The following MAPK10 variants were observed in gnomAD, a reference collection of about 807,000 sequenced individuals.
MAPK10 encodes JNK3 alpha protein kinase.
A neutral mutation model predicts 59.3 loss-of-function variants in MAPK10; 25 were observed. That is an observed-to-expected ratio of 0.42 (90% confidence interval 0.31 to 0.59). The LOEUF (loss-of-function observed/expected upper bound fraction) is 0.59. Ranked by LOEUF, MAPK10 falls within the 20% of genes least tolerant of loss-of-function variation. The pLI is 0.15. For missense variants in MAPK10, 351 were observed against 568.9 expected, an observed-to-expected ratio of 0.62 and a Z score of 3.90; for synonymous variants, 190 against 200.5, an observed-to-expected ratio of 0.95 and a Z score of 0.44.
intron 1 of MAPK10, among the ~76,000 whole-genome samples, chr4:86,574,227 A>G (rs2149109348): frequency 6.6e-6 from 1 of 151,916 alleles, no homozygotes; most frequent in African/African-American, 2.4e-5. Context: ...CCTACAAAGG[A>G]CATGAACTCA....
At chr4:86,326,066 T>G (rs1413699422) in intron 2 of MAPK10, 2 of 152,158 alleles carry the variant, frequency 1.3e-5, no homozygotes, top group African/African-American at 2.4e-5. Flanking sequence ...CAGCAATATT[T>G]TTGTTGGGTG....
chr4:86,589,983 T>TAA (rs74874164), intron 1 of MAPK10, among the ~76,000 whole-genome samples: 58 of 129,724 alleles, frequency 4.5e-4, no homozygotes, highest in East Asian at 2.0e-3. Flanking sequence ...GACTCCATCT[T>TAA]AAAAAAAAAA....
chr4:86,051,779 G>T (rs745327857), intron 11 of MAPK10, among the ~76,000 whole-genome samples: 19 of 152,180 alleles, frequency 1.2e-4, no homozygotes, highest in South Asian at 2.1e-4. Context: ...TGTTTTTGTT[G>T]TTGTTCATTT....
At chr4:86,038,720 C>T (rs1046506865) in intron 11 of MAPK10, among the ~76,000 whole-genome samples, 2 of 151,952 alleles carry the variant, frequency 1.3e-5, no homozygotes, top group African/African-American at 4.8e-5. Flanking sequence ...TTCTCTAAAG[C>T]CTTATATTCT....
intron 3 of MAPK10, among the ~76,000 whole-genome samples, chr4:86,168,520 C>T (rs1162802653): frequency 1.3e-5 from 2 of 152,230 alleles, no homozygotes; most frequent in Non-Finnish European, 2.9e-5. Context: ...GAGGCGCCCG[C>T]CATTGCCCAG....
At chr4:86,417,967 C>G (rs1237270511) in intron 1 of MAPK10, among the ~76,000 whole-genome samples, 3 of 152,174 alleles carry the variant, frequency 2.0e-5, no homozygotes, top group African/African-American at 7.2e-5. Flanking sequence ...TTTCAGACGG[C>G]CTTCTTAGCA....
chr4:86,070,378 TA>T (rs1195555877), intron 9 of MAPK10, among the ~76,000 whole-genome samples: 17 of 152,000 alleles, frequency 1.1e-4, no homozygotes, highest in African/African-American at 4.1e-4. Context: ...TGAAGGGCTT[TA>T]TTTTTTTTTC....
At chr4:86,504,833 G>A (rs945292687) in intron 1 of MAPK10, among the ~76,000 whole-genome samples, 6 of 152,226 alleles carry the variant, frequency 3.9e-5, no homozygotes, top group African/African-American at 1.4e-4. Flanking sequence ...GAATGGAAAG[G>A]AAGAGCCAGA....
chr4:86,324,532 T>C (rs769994612), intron 2 of MAPK10, among the ~76,000 whole-genome samples: 4 of 152,202 alleles, frequency 2.6e-5, no homozygotes, highest in Non-Finnish European at 5.9e-5. Context: ...GAGGTATGAT[T>C]AGAGCTGGGA....
chr4:86,478,544 C>T (rs1753313465), intron 1 of MAPK10, among the ~76,000 whole-genome samples: 1 of 152,192 alleles, frequency 6.6e-6, no homozygotes, highest in South Asian at 2.1e-4. Flanking sequence ...TTTTCTTCCT[C>T]ACACCTGACA....
At chr4:86,021,640 G>C (rs1746967294) in intron 13 of MAPK10, among the ~76,000 whole-genome samples, 1 of 152,252 alleles carries the variant, frequency 6.6e-6, no homozygotes, top group African/African-American at 2.4e-5. Context: ...GCTGGGACTG[G>C]GCGCCATGGA....
At chr4:86,106,956 C>G (rs1339364185) in intron 5 of MAPK10, 1 of 200,490 alleles carries the variant, frequency 5.0e-6, no homozygotes, top group Non-Finnish European at 9.9e-6. Context: ...CAATTTGGAG[C>G]AAGATAACCA....
At chr4:86,327,382 T>C (rs2096051475) in intron 2 of MAPK10, 1 of 151,972 alleles carries the variant, frequency 6.6e-6, no homozygotes, top group Non-Finnish European at 1.5e-5. Context: ...ACAGATTATC[T>C]CACCCCCCAA....
chr4:86,399,325 T>C (rs967046071), intron 1 of MAPK10, among the ~76,000 whole-genome samples: 1 of 152,202 alleles, frequency 6.6e-6, no homozygotes, highest in African/African-American at 2.4e-5. Context: ...TACTTCATTA[T>C]GGTTTTGATT....
At chr4:86,431,951 G>A (rs1387463817) in intron 1 of MAPK10, among the ~76,000 whole-genome samples, 2 of 152,210 alleles carry the variant, frequency 1.3e-5, no homozygotes, top group Non-Finnish European at 2.9e-5. Flanking sequence ...ACACTGCCCA[G>A]AACCACTTCA....
At chr4:86,328,095 T>C (rs1365564707) in intron 2 of MAPK10, among the ~76,000 whole-genome samples, 1 of 152,180 alleles carries the variant, frequency 6.6e-6, no homozygotes, top group Non-Finnish European at 1.5e-5. Flanking sequence ...TCATGAGGAC[T>C]CTTTCCTCAT....
intron 3 of MAPK10, among the ~76,000 whole-genome samples, chr4:86,187,338 A>G (rs952895878): frequency 3.3e-5 from 5 of 152,210 alleles, no homozygotes; most frequent in Admixed American, 2.0e-4. Context: ...AGTCAATCTG[A>G]TAACAGAGAT....
intron 2 of MAPK10, among the ~76,000 whole-genome samples, chr4:86,322,428 C>T (rs943244894): frequency 6.6e-6 from 1 of 152,128 alleles, no homozygotes; most frequent in Non-Finnish European, 1.5e-5. Flanking sequence ...CAGTTACGAA[C>T]GTCTAACATA....
chr4:86,579,516 T>TACACACACACAC (rs35878270), intron 1 of MAPK10, among the ~76,000 whole-genome samples: 165 of 146,288 alleles, frequency 1.1e-3, no homozygotes, highest in African/African-American at 2.6e-3. Flanking sequence ...GATATGTGTA[T>TACACACACACAC]ACACACACAC....
Sources: allele counts gnomAD v4.1 joint callset (sites outside exome capture counted in the v4.1 genomes callset), GRCh38; gene constraint gnomAD v4.1.1; transcripts MANE v1.5; gene names NCBI Gene and HGNC (gene_info 2026-07-23, HGNC 2026-07-21).